The following ARHGAP15 variants were observed in gnomAD, a reference collection of about 807,000 sequenced individuals.
The protein encoded by ARHGAP15 is rho GTPase-activating protein 15.
In ARHGAP15, 51 loss-of-function variants were observed where a neutral mutation model predicts 63.7. The ratio of observed to expected loss-of-function variants is 0.80; its 90% CI spans 0.64 to 1.01. ARHGAP15 has a LOEUF of 1.01. Among genes scored for constraint, ARHGAP15 ranks in the 50% least tolerant of loss-of-function variants. The probability of loss-of-function intolerance (pLI) is 0.00; values close to 1 mark genes in which losing one functional copy is unlikely to be tolerated. For synonymous variants in ARHGAP15, 191 were observed against 193.8 expected (o/e 0.99, Z 0.12); for missense variants, 560 against 564.6 (o/e 0.99, Z 0.08).
intron 6 of ARHGAP15, among the ~76,000 whole-genome samples, chr2:143,346,679 C>A (rs1291166999): frequency 2.0e-5 from 3 of 152,044 alleles, no homozygotes; most frequent in African/African-American, 4.8e-5. Context: ...AGACGATAGG[C>A]TTCTGAATTT....
At chr2:143,399,650 TG>T (rs1257968724) in intron 6 of ARHGAP15, among the ~76,000 whole-genome samples, 1 of 151,960 alleles carries the variant, frequency 6.6e-6, no homozygotes, top group South Asian at 2.1e-4. Flanking sequence ...TTTTTACAGC[TG>T]GGAAAAAAGC....
intron 8 of ARHGAP15, among the ~76,000 whole-genome samples, chr2:143,450,618 C>A (rs1412320863): frequency 4.6e-5 from 7 of 151,878 alleles, no homozygotes; most frequent in Admixed American, 3.3e-4. Context: ...CAAGTAGAGA[C>A]CTTGTTGCTG....
chr2:143,580,614 G>A (rs1696860758), intron 11 of ARHGAP15, among the ~76,000 whole-genome samples: 1 of 151,790 alleles, frequency 6.6e-6, no homozygotes, highest in African/African-American at 2.4e-5. Flanking sequence ...CCTTCTTTTA[G>A]ATGTATTTTT....
At chr2:143,278,573 A>T (rs1476987894) in intron 6 of ARHGAP15, among the ~76,000 whole-genome samples, 1 of 152,100 alleles carries the variant, frequency 6.6e-6, no homozygotes, top group Non-Finnish European at 1.5e-5. Flanking sequence ...CACATTTCTT[A>T]CCCCAAGTAT....
Position 143,470,526 on chromosome 2 carries a change from T to TTATA in ARHGAP15, c.704-16833_704-16830dup, listed in dbSNP as rs57336698. On this transcript the variant is annotated intron_variant, in intron 8 of 13. Transcript: ENST00000295095. ...AAGGAATTCATAATATTCTTTTGTT[T>TTATA]TATATATATATATATATTTCATTCT... Among the ~76,000 whole-genome samples, 960 of 148,288 alleles carry TTATA rather than the reference T, an allele frequency of 6.5e-3. 11 individuals carry two copies. The highest frequency in any genetic ancestry group is 0.018 in the African/African-American group (746 of 40,598).
intron 13 of ARHGAP15, among the ~76,000 whole-genome samples, chr2:143,715,738 T>C (rs190227439): frequency 2.0e-5 from 3 of 152,330 alleles, no homozygotes; most frequent in African/African-American, 7.2e-5. Flanking sequence ...AGATCCAATT[T>C]ATCAATTTTT....
intron 11 of ARHGAP15, among the ~76,000 whole-genome samples, chr2:143,560,861 TTGG>T (rs1695991761): frequency 6.6e-6 from 1 of 152,236 alleles, no homozygotes; most frequent in African/African-American, 2.4e-5. Flanking sequence ...TACTAGGCTG[TTGG>T]TGCGTTTGTG....
At chr2:143,759,660 A>G (rs1032159064) in intron 13 of ARHGAP15, among the ~76,000 whole-genome samples, 1 of 151,832 alleles carries the variant, frequency 6.6e-6, no homozygotes, top group Non-Finnish European at 1.5e-5. Context: ...TGCATTCCTC[A>G]CCACCAGGGT....
intron 12 of ARHGAP15, among the ~76,000 whole-genome samples, chr2:143,678,286 CCTTA>C (rs1471980684): frequency 3.3e-5 from 5 of 152,114 alleles, no homozygotes; most frequent in Admixed American, 2.6e-4. Context: ...ACTTTGAAAC[CCTTA>C]CTTTCTTTTA....
chr2:143,199,169 T>A (rs546848404), intron 2 of ARHGAP15, among the ~76,000 whole-genome samples: 1 of 152,280 alleles, frequency 6.6e-6, no homozygotes, highest in Non-Finnish European at 1.5e-5. Context: ...TTAATAAGTG[T>A]GAATTTTGGG....
At chr2:143,202,756 G>A (rs1241972289) in intron 3 of ARHGAP15, among the ~76,000 whole-genome samples, 1 of 64,210 alleles carries the variant, frequency 1.6e-5, no homozygotes, top group Non-Finnish European at 3.1e-5. Flanking sequence ...TATTGTAAAT[G>A]TTGATAGTTT....
At chr2:143,498,352 G>C (rs568365371) in intron 9 of ARHGAP15, among the ~76,000 whole-genome samples, 1 of 152,218 alleles carries the variant, frequency 6.6e-6, no homozygotes, top group East Asian at 1.9e-4. Flanking sequence ...ATTCTTCTCT[G>C]TGGGAGGGAG....
At chr2:143,413,971 G>A (rs75810980) in intron 6 of ARHGAP15, among the ~76,000 whole-genome samples, 9 of 147,728 alleles carry the variant, frequency 6.1e-5, no homozygotes, top group South Asian at 2.2e-4. Flanking sequence ...GTGTGTGCGC[G>A]CTCTCTGGCA....
chr2:143,713,892 C>T (rs376230291), intron 13 of ARHGAP15, among the ~76,000 whole-genome samples: 16 of 152,194 alleles, frequency 1.1e-4, no homozygotes, highest in African/African-American at 3.6e-4. Context: ...GTACAGCCTC[C>T]ATCCTGGCTG....
intron 9 of ARHGAP15, among the ~76,000 whole-genome samples, chr2:143,503,416 A>G (rs1181177886): frequency 6.6e-6 from 1 of 152,200 alleles, no homozygotes; most frequent in African/African-American, 2.4e-5. Context: ...AGATTACCAA[A>G]TTTTGAAGTA....
chr2:143,269,950 C>A (rs1264542388), intron 6 of ARHGAP15, among the ~76,000 whole-genome samples: 8 of 152,068 alleles, frequency 5.3e-5, no homozygotes, highest in Admixed American at 5.2e-4. Context: ...AAATATTTCT[C>A]CATTAAATAT....
intron 8 of ARHGAP15, among the ~76,000 whole-genome samples, chr2:143,442,011 G>A (rs1486452590): frequency 2.0e-5 from 3 of 152,044 alleles, no homozygotes; most frequent in African/African-American, 7.2e-5. Context: ...TAAGACAACA[G>A]AAAGAAAAAA....
At chr2:143,189,618 C>T (rs756586540) in intron 2 of ARHGAP15, among the ~76,000 whole-genome samples, 1 of 151,730 alleles carries the variant, frequency 6.6e-6, no homozygotes, top group Non-Finnish European at 1.5e-5. Flanking sequence ...TGGGCCAACA[C>T]ACCTGGCTAA....
At chr2:143,702,286 A>G (rs1684123871) in intron 12 of ARHGAP15, among the ~76,000 whole-genome samples, 1 of 152,200 alleles carries the variant, frequency 6.6e-6, no homozygotes, top group African/African-American at 2.4e-5. Context: ...CTAGTGTACT[A>G]AGTAAATCAA....
Sources: allele counts gnomAD v4.1 joint callset (sites outside exome capture counted in the v4.1 genomes callset), GRCh38; gene constraint gnomAD v4.1.1; transcripts MANE v1.5; gene names NCBI Gene and HGNC (gene_info 2026-07-23, HGNC 2026-07-21).